The following RRP36 variants were observed in gnomAD, a reference collection of about 807,000 sequenced individuals.
RRP36 encodes ribosomal RNA processing 36, also known as ribosomal RNA processing protein 36 homolog.
In RRP36, 44 loss-of-function variants were observed where a neutral mutation model predicts 39.8. The observed-to-expected ratio is 1.10, with a 90% CI of 0.87 to 1.42. The LOEUF is 1.42. RRP36 is among the 40% of genes most tolerant of loss of function. The pLI, the probability that RRP36 is intolerant of heterozygous loss-of-function variation, is 0.00. For synonymous variants in RRP36, 124 were observed against 123.1 expected (o/e 1.01, Z -0.05); for missense variants, 316 against 322.4 (o/e 0.98, Z 0.15).
chr6:43,025,120 C>T lies in RRP36; in HGVS notation c.266C>T (p.Ala89Val). 1 of 1,614,150 alleles carries T rather than the reference C, an allele frequency of 6.2e-7. No individual in the cohort carries two copies. The highest frequency in any genetic ancestry group is 8.5e-7 in the Non-Finnish European group (1 of 1,180,032). Reference protein sequence around the residue: ...SRPPIQNACVADKHRPLEMSA... With the variant: ...SRPPIQNACVVDKHRPLEMSA... ...CCACCTATCCAAAATGCATGTGTTG[C>T]AGATAAGCACAGGTAAGCAAGGCTT... The change falls in exon 2 of 7, where the codon GCA becomes GTA. Residue 89 changes from alanine (A) to valine (V), a missense_variant. Ala to Val is a moderately conservative substitution (Grantham distance 64). Coordinates refer to ENST00000244496, the MANE Select transcript of RRP36 (RefSeq NM_033112.4).
At chr6:43,024,522 C>T (rs977548905) in intron 1 of RRP36, among the ~76,000 whole-genome samples, 3 of 152,056 alleles carry the variant, frequency 2.0e-5, no homozygotes, top group South Asian at 2.1e-4. Flanking sequence ...ATTTTATTTT[C>T]GATGCCTCTC....
intron 1 of RRP36, among the ~76,000 whole-genome samples, chr6:43,023,492 A>C (rs1581884259): frequency 6.6e-6 from 1 of 152,030 alleles, no homozygotes; most frequent in South Asian, 2.1e-4. Context: ...TCAGGAGATC[A>C]AGACCATCTG....
chr6:43,023,895 CA>C (rs1352019098), intron 1 of RRP36, among the ~76,000 whole-genome samples: 2 of 148,220 alleles, frequency 1.3e-5, no homozygotes, highest in Non-Finnish European at 3.0e-5. Flanking sequence ...CTCGCTCTGT[CA>C]CCCAGGCTGG....
chr6:43,027,456 C>G lies in RRP36; in HGVS notation c.622C>G (p.Arg208Gly). 1 of 1,613,770 alleles carries G rather than the reference C, an allele frequency of 6.2e-7. No homozygotes were observed. Among genetic ancestry groups the G allele is most frequent in the Non-Finnish European group, 8.5e-7 (1 of 1,179,800 alleles). Reference protein sequence around the residue: ...ERRAQAQQGHRPYFLKKSEQR... With the variant: ...ERRAQAQQGHGPYFLKKSEQR... ...TCGGGCTCAGGCCCAGCAGGGCCAT[C>G]GGCCATACTTCCTGAAAAAATGTGA... Residue 208 changes from arginine to glycine, a missense_variant, in exon 6 of 7, where the codon CGG (arginine) becomes GGG (glycine). Physicochemically the swap from Arg to Gly is moderately radical, Grantham distance 125. Coordinates refer to ENST00000244496, the MANE Select transcript of RRP36 (RefSeq NM_033112.4).
chr6:43,028,340 C>A (rs1466243864), intron 6 of RRP36, among the ~76,000 whole-genome samples: 1 of 147,422 alleles, frequency 6.8e-6, no homozygotes, highest in African/African-American at 2.7e-5. Context: ...ACAGGAAAAA[C>A]AAACAAACAA....
chr6:43,025,162 G>T (rs1431364979), intron 2 of RRP36, 30 bp downstream of exon 2: 1 of 1,613,622 alleles, frequency 6.2e-7, no homozygotes, highest in Admixed American at 1.7e-5. Context: ...GAAGTTGGAA[G>T]ATAACTGGGA....
At chr6:43,024,892 A>C (rs565651274) in intron 1 of RRP36, 93 bp from the exon 2 acceptor site, 1 of 1,443,414 alleles carries the variant, frequency 6.9e-7, no homozygotes, top group Non-Finnish European at 9.5e-7. Context: ...ATGGGGTATT[A>C]GGATTAGCTA....
rs926359345 is a variant in RRP36 at position 43,029,008 on chromosome 6, A to C, written c.644-84A>C. 50 of 1,556,628 alleles carry C rather than the reference A, an allele frequency of 3.2e-5. No individual in the cohort carries two copies. The Middle Eastern group carries it at 7.1e-4, about 22-fold the overall frequency. On this transcript the variant is annotated intron_variant, in intron 6 of 6. Coordinates refer to ENST00000244496, the MANE Select transcript of RRP36 (RefSeq NM_033112.4). ...TTAAAGAACTCATGTATCCAGCATA[A>C]TGGCTTGGAGTTACTGACCTGGTTT...
intron 6 of RRP36, among the ~76,000 whole-genome samples, chr6:43,028,512 G>T (rs578098574): frequency 4.6e-5 from 7 of 151,696 alleles, no homozygotes; most frequent in Admixed American, 3.9e-4. Context: ...GCTGGGTGTG[G>T]TGCTGTGCAT....
intron 4 of RRP36, among the ~76,000 whole-genome samples, chr6:43,026,599 G>A (rs1173004647): frequency 6.6e-6 from 1 of 152,066 alleles, no homozygotes; most frequent in Non-Finnish European, 1.5e-5. Flanking sequence ...CTGGTGCCCT[G>A]GAGACAAAGG....
intron 3 of RRP36, 24 bp from the exon 4 acceptor site, chr6:43,026,013 A>G: frequency 1.3e-6 from 2 of 1,550,328 alleles, no homozygotes; most frequent in South Asian, 1.1e-5. Flanking sequence ...GTTGTGTTTT[A>G]TATTCTCTCT....
At chr6:43,027,020 C>T in intron 4 of RRP36, 158 bp from the exon 5 acceptor site, 1 of 601,024 alleles carries the variant, frequency 1.7e-6, no homozygotes, top group South Asian at 2.0e-5. Flanking sequence ...GAGCCAAGAT[C>T]ACACCACTGC....
intron 1 of RRP36, among the ~76,000 whole-genome samples, chr6:43,022,590 T>A (rs566877586): frequency 1.3e-5 from 2 of 149,290 alleles, no homozygotes; most frequent in African/African-American, 2.5e-5. Flanking sequence ...TGGGTTTGTT[T>A]ATTTATTTAT....
chr6:43,026,647 T>C (rs1219147256), intron 4 of RRP36, among the ~76,000 whole-genome samples: 1 of 151,568 alleles, frequency 6.6e-6, no homozygotes, highest in East Asian at 2.0e-4. Context: ...CACTCCAACC[T>C]GGGCAGCAGG....
At chr6:43,024,242 T>G (rs1762772949) in intron 1 of RRP36, among the ~76,000 whole-genome samples, 1 of 152,066 alleles carries the variant, frequency 6.6e-6, no homozygotes, top group African/African-American at 2.4e-5. Flanking sequence ...GGAGGAGCTG[T>G]ACCTATGTAC....
rs763669657 is a variant in RRP36 at position 43,027,453 on chromosome 6, C to T, written c.619C>T (p.His207Tyr). 25 of 1,613,902 alleles carry T rather than the reference C, an allele frequency of 1.5e-5. No individual in the cohort carries two copies. Among genetic ancestry groups the T allele is most frequent in the Admixed American group, 3.3e-5 (2 of 59,976 alleles). Residue 207 changes from histidine (H) to tyrosine (Y), a missense_variant, in exon 6 of 7, where the codon CAT (histidine) becomes TAT (tyrosine). Transcript: ENST00000244496. ...QERRAQAQQG[H>Y]RPYFLKKSEQ... The stretch of plus-strand genomic sequence containing the variant: ...ACGTCGGGCTCAGGCCCAGCAGGGC[C>T]ATCGGCCATACTTCCTGAAAAAATG...
chr6:43,027,428 ACGT>A lies in RRP36; in HGVS notation c.597_599del (p.Arg200del). On this transcript the variant is annotated inframe_deletion, in exon 6 of 7. Transcript: ENST00000244496. ...AGCTGCACCTGGCCCTGAAGCAAGA[ACGT>A]CGGGCTCAGGCCCAGCAGGGCCATC... 1 of 1,614,206 alleles carries A rather than the reference ACGT, an allele frequency of 6.2e-7. No individual in the cohort carries two copies. Among genetic ancestry groups the A allele is most frequent in the South Asian group, 1.1e-5 (1 of 91,092 alleles).
chr6:43,025,180 T>TA, intron 2 of RRP36, 48 bp downstream of exon 2: 1 of 1,613,110 alleles, frequency 6.2e-7, no homozygotes. Context: ...GGACCTTGAA[T>TA]AGGTATGTTG....
chr6:43,027,332 G>T, intron 5 of RRP36, 28 bp from the exon 6 acceptor site: 1 of 1,613,106 alleles, frequency 6.2e-7, no homozygotes, highest in South Asian at 1.1e-5. Context: ...GATCCCTCCC[G>T]TTCACCCATC....
Sources: gnomAD v4.1 joint callset for allele counts (sites outside exome capture counted in the v4.1 genomes callset) on GRCh38, gnomAD v4.1.1 for gene constraint, MANE v1.5 for transcripts, NCBI Gene and HGNC (gene_info 2026-07-23, HGNC 2026-07-21) for gene names.